Variants in REV3L observed in about 807,000 individuals in gnomAD.
REV3L encodes DNA polymerase zeta catalytic subunit.
Under a neutral mutation model 299.4 loss-of-function variants are expected in REV3L, and 69 were observed. The observed-to-expected ratio is 0.23, with a 90% CI of 0.19 to 0.28. The LOEUF is 0.28. Among genes scored for constraint, REV3L ranks in the 10% least tolerant of loss-of-function variants. The pLI, the probability that REV3L is intolerant of heterozygous loss-of-function variation, is 1.00. For missense variants in REV3L, 3,128 were observed against 3,693.8 expected, an observed-to-expected ratio of 0.85 and a Z score of 3.97; for synonymous variants, 1,238 against 1,271.4, an observed-to-expected ratio of 0.97 and a Z score of 0.56.
Position 111,381,409 on chromosome 6 carries a change from T to C in REV3L, c.1132A>G (p.Asn378Asp). 1 of 1,613,270 alleles carries C rather than the reference T, an allele frequency of 6.2e-7. No individual in the cohort carries two copies. The highest frequency in any genetic ancestry group is 8.5e-7 in the Non-Finnish European group (1 of 1,179,632). Residue 378 changes from asparagine (N) to aspartate (D), a missense_variant, in exon 10 of 32, where the codon AAT becomes GAT. Physicochemically the swap from Asn to Asp is conservative, Grantham distance 23. Transcript: ENST00000368802. ...TRHKVEEALI[N>D]EEAILNLMEN... ...ATAAGGTTCAAAATTGCTTCTTCAT[T>C]AATAAGAGCTTCTTCCACTTTGTGT...
chr6:111,412,014 C>G lies in REV3L; in HGVS notation c.330-460G>C, dbSNP rs1222379180. 3.0e-6 allele frequency: 3 copies of G among 985,230 alleles called. No individual in the cohort carries two copies. In the African/African-American group the frequency reaches 5.2e-5, roughly 17 times the overall value. 61.0% of individuals were successfully genotyped at this position (985,230 alleles called of 1,614,324 possible). On this transcript the variant is annotated intron_variant, in intron 2 of 31. Transcript: ENST00000368802. ...CATTTTTTTGTTAAAAACTGAAGTT[C>G]TTCTTCAACAAAGTCCTTTACTTAA...
At chr6:111,351,835 G>A in intron 18 of REV3L, 44 bp from the exon 19 acceptor site, 1 of 1,282,626 alleles carries the variant, frequency 7.8e-7, no homozygotes. Flanking sequence ...CCATACATTT[G>A]AACCTTTAAC....
chr6:111,420,914 G>A (rs192413152), intron 1 of REV3L, among the ~76,000 whole-genome samples: 3 of 152,314 alleles, frequency 2.0e-5, no homozygotes, highest in Admixed American at 1.3e-4. Flanking sequence ...GCTGAGGCAG[G>A]TAGATCACGA....
rs925900356 is a variant in REV3L at position 111,416,569 on chromosome 6, G to C, written c.140-97C>G. 13 of 966,606 alleles carry C rather than the reference G, an allele frequency of 1.3e-5. No individual in the cohort carries two copies. In the African/African-American group the frequency reaches 2.1e-4, roughly 16 times the overall value. The allele number at this position is 966,606 out of a possible 1,614,324, so 59.9% of individuals were successfully genotyped here. A position where few individuals can be genotyped will look rare whatever the true frequency, so the allele number is the denominator to read the frequency against. On this transcript the variant is annotated intron_variant, in intron 1 of 31. Transcript: ENST00000368802. ...ATTTAAATGTTCTAATGGCAACACAGCTTATCTAAGGGAAGAGTTGAAAAA... is the reference window on the plus strand; with the variant it reads ...ATTTAAATGTTCTAATGGCAACACACCTTATCTAAGGGAAGAGTTGAAAAA...
At chr6:111,387,176 A>C (rs1388365165) in intron 9 of REV3L, among the ~76,000 whole-genome samples, 1 of 152,224 alleles carries the variant, frequency 6.6e-6, no homozygotes, top group Non-Finnish European at 1.5e-5. Context: ...GAAGCCAGAC[A>C]CAAAAGACTA....
intron 1 of REV3L, among the ~76,000 whole-genome samples, chr6:111,422,148 G>GA (rs1373069923): frequency 6.6e-6 from 1 of 152,018 alleles, no homozygotes. Context: ...TAACAATAGT[G>GA]AAAAAAATGA....
chr6:111,381,231 C>G, intron 10 of REV3L, 94 bp downstream of exon 10: 1 of 1,275,150 alleles, frequency 7.8e-7, no homozygotes, highest in Non-Finnish European at 1.1e-6. Flanking sequence ...GCAACATTTA[C>G]CTCTTCAAGT....
chr6:111,451,634 A>C (rs1789554919), intron 1 of REV3L, among the ~76,000 whole-genome samples: 1 of 152,158 alleles, frequency 6.6e-6, no homozygotes, highest in Non-Finnish European at 1.5e-5. Flanking sequence ...CCAATACCGA[A>C]GGGAATTTTT....
intron 24 of REV3L, among the ~76,000 whole-genome samples, chr6:111,330,705 C>T (rs181463159): frequency 1.6e-3 from 247 of 152,026 alleles, no homozygotes; most frequent in African/African-American, 5.5e-3. Context: ...TGTTTTAAGA[C>T]ATAAGATAAA....
chr6:111,383,517 T>A (rs1781043987), intron 9 of REV3L, among the ~76,000 whole-genome samples: 1 of 152,054 alleles, frequency 6.6e-6, no homozygotes, highest in African/African-American at 2.4e-5. Flanking sequence ...TTACAATAGC[T>A]ACAAATAAGA....
intron 16 of REV3L, chr6:111,361,379 G>C (rs1447706972): frequency 7.8e-6 from 1 of 127,934 alleles, no homozygotes; most frequent in Non-Finnish European, 1.6e-5. Flanking sequence ...GTGAGACTAT[G>C]TCTCAAACAA....
At chr6:111,346,255 C>T (rs1334040595) in intron 20 of REV3L, among the ~76,000 whole-genome samples, 1 of 152,242 alleles carries the variant, frequency 6.6e-6, no homozygotes, top group African/African-American at 2.4e-5. Flanking sequence ...TCTTGAAAAG[C>T]CTAGATTGAC....
chr6:111,389,444 A>G (rs1781677840), intron 6 of REV3L, among the ~76,000 whole-genome samples: 1 of 152,212 alleles, frequency 6.6e-6, no homozygotes, highest in Admixed American at 6.5e-5. Context: ...ATGATAGTCA[A>G]TAGACCTAAG....
At chr6:111,386,879 G>A (rs982095057) in intron 9 of REV3L, among the ~76,000 whole-genome samples, 2 of 151,706 alleles carry the variant, frequency 1.3e-5, no homozygotes, top group East Asian at 1.9e-4. Flanking sequence ...GCGCCACCAC[G>A]CCCGGCTAAT....
chr6:111,334,784 ACT>A (rs1430266261), intron 22 of REV3L, among the ~76,000 whole-genome samples: 1 of 152,140 alleles, frequency 6.6e-6, no homozygotes, highest in Non-Finnish European at 1.5e-5. Context: ...CGTAGTTGGA[ACT>A]CTATTTTTGC....
intron 1 of REV3L, among the ~76,000 whole-genome samples, chr6:111,447,460 C>T (rs1464965830): frequency 1.3e-5 from 2 of 152,104 alleles, no homozygotes; most frequent in Non-Finnish European, 2.9e-5. Context: ...GTAATTTAAC[C>T]TCTATTAATT....
At chr6:111,338,675 CTG>C (rs1305004802) in intron 21 of REV3L, among the ~76,000 whole-genome samples, 1 of 151,862 alleles carries the variant, frequency 6.6e-6, no homozygotes, top group African/African-American at 2.4e-5. Flanking sequence ...ATATACAAAA[CTG>C]ATTAAACTGA....
intron 21 of REV3L, among the ~76,000 whole-genome samples, chr6:111,336,317 G>C (rs1023017187): frequency 6.6e-6 from 1 of 151,766 alleles, no homozygotes; most frequent in Non-Finnish European, 1.5e-5. Flanking sequence ...ATACTATAAG[G>C]AATAAAATTT....
intron 9 of REV3L, among the ~76,000 whole-genome samples, chr6:111,386,896 AT>A (rs1412280921): frequency 1.3e-5 from 2 of 151,606 alleles, no homozygotes; most frequent in African/African-American, 4.9e-5. Context: ...TAATTTTTGT[AT>A]TTTTAGTAGA....
Sources: gnomAD v4.1 joint callset for allele counts (sites outside exome capture counted in the v4.1 genomes callset) on GRCh38, gnomAD v4.1.1 for gene constraint, MANE v1.5 for transcripts, NCBI Gene and HGNC (gene_info 2026-07-23, HGNC 2026-07-21) for gene names.